CPNE4: variants seen among roughly 807,000 people sequenced by gnomAD.
The protein encoded by CPNE4 is copine-4.
In CPNE4, 25 loss-of-function variants were observed where a neutral mutation model predicts 67.9. The ratio of observed to expected loss-of-function variants is 0.37; its 90% CI spans 0.27 to 0.51. The LOEUF (loss-of-function observed/expected upper bound fraction) is 0.51, where lower values mean the gene tolerates loss of function less well. Among genes scored for constraint, CPNE4 ranks in the 20% least tolerant of loss-of-function variants. The pLI, the probability that CPNE4 is intolerant of heterozygous loss-of-function variation, is 0.93. For synonymous variants in CPNE4, 242 were observed against 244.9 expected (o/e 0.99, Z 0.11); for missense variants, 464 against 690.8 (o/e 0.67, Z 3.68).
intron 7 of CPNE4, among the ~76,000 whole-genome samples, chr3:131,630,082 A>T (rs2079181424): frequency 6.6e-6 from 1 of 152,218 alleles, no homozygotes. Flanking sequence ...AAAATGCCAG[A>T]AAAAAGCAGT....
intron 2 of CPNE4, among the ~76,000 whole-genome samples, chr3:131,838,985 A>C (rs2085667455): frequency 6.6e-6 from 1 of 151,932 alleles, no homozygotes. Flanking sequence ...AAATAAAGCA[A>C]TTTTGATATA....
intron 2 of CPNE4, among the ~76,000 whole-genome samples, chr3:131,888,926 G>T (rs983046113): frequency 2.0e-5 from 3 of 152,072 alleles, no homozygotes; most frequent in Non-Finnish European, 4.4e-5. Flanking sequence ...AGAATACTTG[G>T]GTTGGCCAGC....
intron 3 of CPNE4, among the ~76,000 whole-genome samples, chr3:131,719,242 G>T (rs1179728180): frequency 6.6e-6 from 1 of 152,222 alleles, no homozygotes; most frequent in African/African-American, 2.4e-5. Flanking sequence ...CATGACAGAA[G>T]CAAGCTCTGG....
intron 1 of CPNE4, among the ~76,000 whole-genome samples, chr3:131,918,276 T>G (rs2107803114): frequency 6.6e-6 from 1 of 152,326 alleles, no homozygotes; most frequent in South Asian, 2.1e-4. Context: ...TAGGTTCATT[T>G]TACAGTTCAG....
intron 2 of CPNE4, among the ~76,000 whole-genome samples, chr3:131,857,522 T>TG (rs1442349189): frequency 6.6e-6 from 1 of 151,868 alleles, no homozygotes; most frequent in Non-Finnish European, 1.5e-5. Context: ...AGCTTGACTT[T>TG]GGGGGGATAT....
intron 2 of CPNE4, among the ~76,000 whole-genome samples, chr3:131,771,856 C>G (rs1469357342): frequency 2.0e-5 from 3 of 152,140 alleles, no homozygotes; most frequent in Non-Finnish European, 2.9e-5. Context: ...CCATGTCAGA[C>G]TCCTGCTACA....
rs556616086 is a variant in CPNE4 at position 131,755,197 on chromosome 3, A to ATT, written c.181-31574_181-31573dup. ...AACTACCTAATAAATGGAATAGGTA[A>ATT]TTTTTTTTTTTTTTTGCTAGATACA... On this transcript the variant is annotated intron_variant, in intron 2 of 15. Coordinates refer to ENST00000429747, the MANE Select transcript of CPNE4 (RefSeq NM_130808.3). Among the ~76,000 whole-genome samples, 50 of 143,902 alleles carry ATT rather than the reference A, an allele frequency of 3.5e-4. No homozygotes were observed. The East Asian group carries it at 4.8e-3, about 14-fold the overall frequency. The allele number at this position is 143,902 out of a possible 152,430, so 94.4% of individuals were successfully genotyped here. A position where few individuals can be genotyped will look rare whatever the true frequency, so the allele number is the denominator to read the frequency against.
intron 10 of CPNE4, among the ~76,000 whole-genome samples, chr3:131,567,678 G>A (rs1937128935): frequency 6.6e-6 from 1 of 152,052 alleles, no homozygotes; most frequent in African/African-American, 2.4e-5. Flanking sequence ...AGATGATGGT[G>A]AGAAGGAAAG....
chr3:131,556,455 T>C (rs566809669), intron 11 of CPNE4, among the ~76,000 whole-genome samples: 1 of 152,226 alleles, frequency 6.6e-6, no homozygotes, highest in East Asian at 1.9e-4. Context: ...TGACTCATTG[T>C]GCCCACCACC....
At chr3:131,965,540 C>A (rs1447760203) in intron 1 of CPNE4, among the ~76,000 whole-genome samples, 1 of 151,144 alleles carries the variant, frequency 6.6e-6, no homozygotes, top group Admixed American at 6.7e-5. Flanking sequence ...ATTTACTAAG[C>A]AAATGGAAAA....
chr3:131,791,182 A>C (rs1475759378), intron 2 of CPNE4, among the ~76,000 whole-genome samples: 1 of 152,234 alleles, frequency 6.6e-6, no homozygotes, highest in Admixed American at 6.5e-5. Flanking sequence ...AATGAGATTC[A>C]GCCTCAAGTA....
chr3:131,683,594 G>C (rs2080811074), intron 6 of CPNE4, among the ~76,000 whole-genome samples: 1 of 152,056 alleles, frequency 6.6e-6, no homozygotes, highest in African/African-American at 2.4e-5. Context: ...TTAGGGTATG[G>C]GGCACGCATT....
chr3:131,709,812 T>C (rs2081514437), intron 3 of CPNE4, among the ~76,000 whole-genome samples: 1 of 152,246 alleles, frequency 6.6e-6, no homozygotes, highest in South Asian at 2.1e-4. Context: ...TAAGAACTCT[T>C]GCTCTTCCCT....
At chr3:132,032,631 CCTCT>C (rs1358505998) in intron 1 of CPNE4, among the ~76,000 whole-genome samples, 2 of 152,160 alleles carry the variant, frequency 1.3e-5, no homozygotes, top group African/African-American at 2.4e-5. Flanking sequence ...TCCAACCCTC[CCTCT>C]ATTTTATGCA....
chr3:131,997,056 T>C (rs772124785), intron 1 of CPNE4, among the ~76,000 whole-genome samples: 6 of 151,904 alleles, frequency 3.9e-5, no homozygotes, highest in Non-Finnish European at 7.4e-5. Flanking sequence ...TGGAAACACC[T>C]CCCCCTAACT....
intron 6 of CPNE4, among the ~76,000 whole-genome samples, chr3:131,674,671 C>A (rs903944542): frequency 6.6e-6 from 1 of 151,808 alleles, no homozygotes; most frequent in Non-Finnish European, 1.5e-5. Context: ...ATAATGTCTT[C>A]AGATTTAATT....
chr3:131,717,566 C>T (rs952580584), intron 3 of CPNE4, among the ~76,000 whole-genome samples: 1 of 152,192 alleles, frequency 6.6e-6, no homozygotes, highest in Non-Finnish European at 1.5e-5. Context: ...TTATATTCCT[C>T]ACCCCCATCC....
Position 131,705,828 on chromosome 3 carries a change from A to G in CPNE4, c.361-5848T>C, listed in dbSNP as rs2081401875. Among the ~76,000 whole-genome samples, 3 of 152,206 alleles carry G rather than the reference A, an allele frequency of 2.0e-5. No homozygotes were observed. In the South Asian group the frequency reaches 6.2e-4, roughly 31 times the overall value. On this transcript the variant is annotated intron_variant, in intron 3 of 15. Transcript: ENST00000429747. ...AGGGAAGGAATGGAAGGAGGGTTTCAGAGAGAGTTTTAAGGACTGCTTGTG... is the reference window on the plus strand; with the variant it reads ...AGGGAAGGAATGGAAGGAGGGTTTCGGAGAGAGTTTTAAGGACTGCTTGTG...
chr3:131,849,703 G>A (rs904463070), intron 2 of CPNE4, among the ~76,000 whole-genome samples: 8 of 152,022 alleles, frequency 5.3e-5, no homozygotes, highest in African/African-American at 1.9e-4. Context: ...CGGGACTTTT[G>A]CCATTACCAT....
Sources: gnomAD v4.1 joint callset for allele counts (sites outside exome capture counted in the v4.1 genomes callset) on GRCh38, gnomAD v4.1.1 for gene constraint, MANE v1.5 for transcripts, NCBI Gene and HGNC (gene_info 2026-07-23, HGNC 2026-07-21) for gene names.